The following GADL1 variants were observed in gnomAD, a reference collection of about 807,000 sequenced individuals.
GADL1 encodes the protein acidic amino acid decarboxylase GADL1.
Under a neutral mutation model 69.5 loss-of-function variants are expected in GADL1, and 71 were observed. The ratio of observed to expected loss-of-function variants is 1.02; its 90% CI spans 0.84 to 1.25. The LOEUF is 1.25. Among genes scored for constraint, GADL1 ranks in the 50% most tolerant of loss-of-function variants. The pLI, the probability that GADL1 is intolerant of heterozygous loss-of-function variation, is 0.00. For missense variants in GADL1, 737 were observed against 631.8 expected, an observed-to-expected ratio of 1.17 and a Z score of -1.79; for synonymous variants, 254 against 214.4, an observed-to-expected ratio of 1.18 and a Z score of -1.62.
chr3:30,804,975 A>C (rs1697226391), intron 11 of GADL1, among the ~76,000 whole-genome samples: 1 of 152,198 alleles, frequency 6.6e-6, no homozygotes, highest in Admixed American at 6.5e-5. Flanking sequence ...AAAGCAGAGG[A>C]AATAAAGAAT....
chr3:30,780,953 T>G (rs903490685), intron 13 of GADL1, among the ~76,000 whole-genome samples: 3 of 152,236 alleles, frequency 2.0e-5, no homozygotes, highest in Admixed American at 1.3e-4. Context: ...TTTTACATAA[T>G]TCTTAAAGAG....
At position 30,849,380 on chromosome 3, in the gene GADL1, C is replaced by T. The variant is rs968375328; in HGVS notation, c.651+616G>A. Among the ~76,000 whole-genome samples the T allele has an allele frequency of 2.0e-5, 3 of 152,086 alleles. No homozygotes were observed. In the South Asian group the frequency reaches 6.2e-4, roughly 32 times the overall value. On this transcript the variant is annotated intron_variant, in intron 6 of 14. Transcript: ENST00000282538. The stretch of plus-strand genomic sequence containing the variant: ...TTTACAAATTTAGGAAACTGAGGCA[C>T]AAAGAAATTAACTCACTCAAGGTTA...
chr3:30,809,990 G>A (rs1480879569), intron 11 of GADL1, among the ~76,000 whole-genome samples: 2 of 152,198 alleles, frequency 1.3e-5, no homozygotes, highest in South Asian at 4.1e-4. Context: ...TATAAGCTAT[G>A]TAATGAAGTT....
In GADL1 at chr3:30,842,821, T is replaced by TAAAA. The variant is rs1559358436; in HGVS notation, c.786+1388_786+1389insTTTT. Reference sequence around the variant, plus strand: ...TAAAGTTCACTTGTCATTGGAATGTTTAAAAAAAAAAAAAAAAAAAAAGTA... The same window carrying TAAAA: ...TAAAGTTCACTTGTCATTGGAATGTTAAAATAAAAAAAAAAAAAAAAAAAAAGTA... On this transcript the variant is annotated intron_variant, in intron 8 of 14. Coordinates refer to ENST00000282538, the MANE Select transcript of GADL1 (RefSeq NM_207359.3). Among the ~76,000 whole-genome samples the TAAAA allele has an allele frequency of 4.9e-3, 326 of 66,418 alleles. 5 individuals carry two copies. The highest frequency in any genetic ancestry group is 0.02 in the South Asian group (38 of 1,906). The allele number at this position is 66,418 out of a possible 152,430, so 43.6% of individuals were successfully genotyped here.
chr3:30,817,265 G>A (rs1347431818), intron 11 of GADL1, among the ~76,000 whole-genome samples: 2 of 152,130 alleles, frequency 1.3e-5, no homozygotes, highest in Admixed American at 1.3e-4. Flanking sequence ...CCCATACAGG[G>A]AGTGTTAAAC....
chr3:30,728,831 A>T (rs1267508970), intron 14 of GADL1, among the ~76,000 whole-genome samples: 2 of 152,150 alleles, frequency 1.3e-5, no homozygotes, highest in Admixed American at 1.3e-4. Context: ...GTCTTAACTA[A>T]AAAACACCCC....
chr3:30,846,817 C>T (rs142276581), intron 6 of GADL1, among the ~76,000 whole-genome samples: 8 of 152,194 alleles, frequency 5.3e-5, no homozygotes, highest in East Asian at 3.9e-4. Flanking sequence ...CACATCCCAT[C>T]GCAACTCAAC....
At chr3:30,869,413 AAC>A (rs1231161331) in intron 1 of GADL1, among the ~76,000 whole-genome samples, 2 of 151,830 alleles carry the variant, frequency 1.3e-5, no homozygotes, top group Non-Finnish European at 2.9e-5. Context: ...AAATAACAAT[AAC>A]ACAAAGCCGT....
At chr3:30,891,733 C>T (rs926210149) in intron 1 of GADL1, among the ~76,000 whole-genome samples, 2 of 151,882 alleles carry the variant, frequency 1.3e-5, no homozygotes, top group African/African-American at 4.8e-5. Flanking sequence ...ATTTGTAGTT[C>T]GGCACAGCAA....
At chr3:30,768,307 A>C (rs2125490353) in intron 14 of GADL1, among the ~76,000 whole-genome samples, 1 of 152,266 alleles carries the variant, frequency 6.6e-6, no homozygotes, top group South Asian at 2.1e-4. Flanking sequence ...AAATGCCCCA[A>C]ATTGAGAATG....
Position 30,800,988 on chromosome 3 carries a change from C to T in GADL1, c.1151G>A (p.Cys384Tyr). ...SYDTGDKSIQ[C>Y]SRRPDAFKFW... Reference sequence around the variant, plus strand: ...CTTGAATGCATCTGGTCTTCTGCTACACTGGATAGACTTGTCTCCTGTGTC... The same window carrying T: ...CTTGAATGCATCTGGTCTTCTGCTATACTGGATAGACTTGTCTCCTGTGTC... The change falls in exon 12 of 15, where the codon TGT becomes TAT. Residue 384 changes from cysteine to tyrosine, a missense_variant. By Grantham distance (194) the Cys-to-Tyr change is radical (BLOSUM62 -2). Coordinates refer to ENST00000282538, the MANE Select transcript of GADL1 (RefSeq NM_207359.3). The T allele has an allele frequency of 8.1e-6, 13 of 1,613,930 alleles. No homozygotes were observed. Among genetic ancestry groups the T allele is most frequent in the Non-Finnish European group, 1.1e-5 (13 of 1,179,878 alleles).
intron 14 of GADL1, among the ~76,000 whole-genome samples, chr3:30,758,549 T>A (rs795450): frequency 6.6e-6 from 1 of 152,030 alleles, no homozygotes; most frequent in Non-Finnish European, 1.5e-5. Flanking sequence ...TTGAGAGGAC[T>A]CTAAATGAGA....
intron 12 of GADL1, among the ~76,000 whole-genome samples, chr3:30,788,813 G>A (rs936114696): frequency 2.6e-5 from 4 of 152,136 alleles, no homozygotes; most frequent in African/African-American, 9.7e-5. Flanking sequence ...CTCATCCATA[G>A]GAAGAGGCTC....
intron 14 of GADL1, among the ~76,000 whole-genome samples, chr3:30,771,228 T>G (rs1229550652): frequency 6.6e-6 from 1 of 152,238 alleles, no homozygotes; most frequent in East Asian, 1.9e-4. Context: ...TTCAGCTGAT[T>G]GCTGAAGCTG....
At chr3:30,802,719 T>A (rs981437910) in intron 11 of GADL1, among the ~76,000 whole-genome samples, 1 of 152,202 alleles carries the variant, frequency 6.6e-6, no homozygotes, top group Non-Finnish European at 1.5e-5. Context: ...CAAAAAAGTA[T>A]GATTTTATAC....
intron 14 of GADL1, among the ~76,000 whole-genome samples, chr3:30,759,895 G>A (rs887556907): frequency 2.3e-4 from 35 of 152,146 alleles, no homozygotes; most frequent in Admixed American, 5.2e-4. Context: ...TCTTATGCAG[G>A]TGGACTTGTG....
At chr3:30,865,375 T>G (rs1698387267) in intron 1 of GADL1, among the ~76,000 whole-genome samples, 1 of 151,906 alleles carries the variant, frequency 6.6e-6, no homozygotes, top group Non-Finnish European at 1.5e-5. Context: ...TGTCTGTCGG[T>G]TTCACTGTTA....
At chr3:30,860,776 G>T (rs975685294) in intron 2 of GADL1, among the ~76,000 whole-genome samples, 3 of 151,934 alleles carry the variant, frequency 2.0e-5, no homozygotes, top group Admixed American at 6.6e-5. Context: ...ATTTTAAGAG[G>T]CATATGGAAT....
At chr3:30,889,112 A>C (rs1334160406) in intron 1 of GADL1, among the ~76,000 whole-genome samples, 1 of 149,600 alleles carries the variant, frequency 6.7e-6, no homozygotes, top group Non-Finnish European at 1.5e-5. Context: ...AAAAAAAAAA[A>C]AAAGAGGATT....
Sources: gnomAD v4.1 joint callset for allele counts (sites outside exome capture counted in the v4.1 genomes callset) on GRCh38, gnomAD v4.1.1 for gene constraint, MANE v1.5 for transcripts, NCBI Gene and HGNC (gene_info 2026-07-23, HGNC 2026-07-21) for gene names.